MAPT: variants seen among roughly 807,000 people sequenced by gnomAD.
The protein encoded by MAPT is microtubule associated protein tau, also known as microtubule-associated protein tau.
A neutral mutation model predicts 67.9 loss-of-function variants in MAPT; 34 were observed. The ratio of observed to expected loss-of-function variants is 0.50; its 90% CI spans 0.38 to 0.67. MAPT has a LOEUF of 0.67. Ranked by LOEUF, MAPT falls within the 30% of genes least tolerant of loss-of-function variation. MAPT has a pLI of 0.00. For missense variants in MAPT, 881 were observed against 1,115.2 expected (o/e 0.79, Z 2.99); for synonymous variants, 456 against 464.5 (o/e 0.98, Z 0.23).
Position 45,974,469 on chromosome 17 carries a change from C to T in MAPT, c.220+2524C>T, listed in dbSNP as rs773359800. 3 of 1,602,130 alleles carry T rather than the reference C, an allele frequency of 1.9e-6. No homozygotes were observed. The highest frequency in any genetic ancestry group is 2.2e-5 in the East Asian group (1 of 44,484). On this transcript the variant is annotated intron_variant, in intron 3 of 12. Transcript: ENST00000262410. ...CACACGGAGATCCCAGAAGGAACCA[C>T]AGGTGAGGGTAAGCCCCAGAGACCC... is the stretch of plus-strand genomic sequence containing the variant.
intron 1 of MAPT, among the ~76,000 whole-genome samples, chr17:45,954,718 C>T (rs546775708): frequency 1.3e-5 from 2 of 152,248 alleles, no homozygotes; most frequent in South Asian, 2.1e-4. Context: ...TGGTGGCTCA[C>T]GCCTGTAATC....
chr17:45,989,364 G>A (rs1231834000), intron 6 of MAPT, among the ~76,000 whole-genome samples: 1 of 152,050 alleles, frequency 6.6e-6, no homozygotes, highest in Non-Finnish European at 1.5e-5. Flanking sequence ...TAAAAGCTTT[G>A]TCAGGGCCAG....
In MAPT at chr17:45,904,337, T is replaced by A. The variant is rs55743051; in HGVS notation, c.-18+9651T>A. On this transcript the variant is annotated intron_variant, in intron 1 of 12. Transcript: ENST00000262410. ...AACATATATAATATATATTATATATTATATATATATTATATATATTATATA... is the reference window on the plus strand; with the variant it reads ...AACATATATAATATATATTATATATAATATATATATTATATATATTATATA... 6.2e-5 allele frequency among the ~76,000 whole-genome samples: 5 copies of A among 80,806 alleles called. 1 individual carries two copies. Among genetic ancestry groups the A allele is most frequent in the African/African-American group, 1.5e-4 (3 of 19,712 alleles). 53.0% of individuals were successfully genotyped at this position (80,806 alleles called of 152,430 possible). A position where few individuals can be genotyped will look rare whatever the true frequency, so the allele number is the denominator to read the frequency against.
In MAPT at chr17:45,896,745, A is replaced by G. The variant is rs1242123795; in HGVS notation, c.-18+2059A>G. On this transcript the variant is annotated intron_variant, in intron 1 of 12. Transcript: ENST00000262410. The surrounding 1 kb of genome is among the most constrained non-coding windows in gnomAD (Gnocchi z 5.6). ...GTATTTTTATTAATATTATGTCCGT[A>G]CTGATTAATATTATTTATCTTAAAT... The G allele has an allele frequency of 6.6e-6, 1 of 152,186 alleles. No individual in the cohort carries two copies. The highest frequency in any genetic ancestry group is 1.5e-5 in the Non-Finnish European group (1 of 68,052). 9.4% of individuals were successfully genotyped at this position (152,186 alleles called of 1,614,324 possible).
At chr17:46,013,361 T>C (rs2075952559) in intron 10 of MAPT, among the ~76,000 whole-genome samples, 1 of 152,218 alleles carries the variant, frequency 6.6e-6, no homozygotes, top group African/African-American at 2.4e-5. Context: ...TCTGCCACTG[T>C]GGAGTCCCTA....
intron 1 of MAPT, among the ~76,000 whole-genome samples, chr17:45,960,192 A>G (rs1019518248): frequency 6.6e-6 from 1 of 152,274 alleles, no homozygotes; most frequent in South Asian, 2.1e-4. Flanking sequence ...GCCACAAAGT[A>G]TCTGCCTTTT....
chr17:45,958,711 A>C, intron 1 of MAPT, among the ~76,000 whole-genome samples: 1 of 148,036 alleles, frequency 6.8e-6, no homozygotes, highest in Non-Finnish European at 1.5e-5. Context: ...ACAGAGTGAG[A>C]CCCTGACTTA....
intron 4 of MAPT, chr17:45,979,645 A>G (rs2072746402): frequency 6.6e-6 from 1 of 152,246 alleles, no homozygotes; most frequent in Non-Finnish European, 1.5e-5. Context: ...ACCTCAGTCA[A>G]TGTGTGAAAT....
chr17:46,023,196 CTA>C (rs1327343844), intron 12 of MAPT, among the ~76,000 whole-genome samples: 1 of 152,186 alleles, frequency 6.6e-6, no homozygotes, highest in Non-Finnish European at 1.5e-5. Context: ...GCCTTTTGAC[CTA>C]AGAGCTTCAC....
rs16940802 is a variant in MAPT, at chr17:46,026,338, G to C, written c.*2167G>C. ...TGAAGCACAGGATTAGGACTGAAGCGATGATGTCCCCTTCCCTACTTCCCC... is the reference window on the plus strand; with the variant it reads ...TGAAGCACAGGATTAGGACTGAAGCCATGATGTCCCCTTCCCTACTTCCCC... On this transcript the variant is annotated 3_prime_UTR_variant, in exon 13 of 13. Coordinates refer to ENST00000262410, the MANE Select transcript of MAPT (RefSeq NM_001377265.1). 1 of 152,640 alleles carries C rather than the reference G, an allele frequency of 6.6e-6. No individual in the cohort carries two copies. The highest frequency in any genetic ancestry group is 2.4e-5 in the African/African-American group (1 of 41,444). The allele number at this position is 152,640 out of a possible 1,614,324, so 9.5% of individuals were successfully genotyped here. A position where few individuals can be genotyped will look rare whatever the true frequency, so the allele number is the denominator to read the frequency against.
chr17:45,933,245 C>CTTTTTT lies in MAPT; in HGVS notation c.-17-29067_-17-29062dup, dbSNP rs61564191. ...TACTGTTTTTGAACTCTCTCTCTCC[C>CTTTTTT]TTTTTTTTTTTTTTGAGACAGAGTC... On this transcript the variant is annotated intron_variant, in intron 1 of 12. Transcript: ENST00000262410. Among the ~76,000 whole-genome samples, 88 of 139,208 alleles carry CTTTTTT rather than the reference C, an allele frequency of 6.3e-4. 2 individuals carry two copies. The highest frequency in any genetic ancestry group is 1.1e-3 in the Non-Finnish European group (72 of 64,860). 91.3% of individuals were successfully genotyped at this position (139,208 alleles called of 152,430 possible). A position where few individuals can be genotyped will look rare whatever the true frequency, so the allele number is the denominator to read the frequency against.
chr17:45,942,889 G>A (rs562550006), intron 1 of MAPT, among the ~76,000 whole-genome samples: 32 of 152,306 alleles, frequency 2.1e-4, no homozygotes, highest in African/African-American at 7.5e-4. Context: ...CCCCAAAGTC[G>A]CACAGCTCCT....
chr17:45,940,956 A>G (rs1046058368), intron 1 of MAPT, among the ~76,000 whole-genome samples: 2 of 152,028 alleles, frequency 1.3e-5, no homozygotes, highest in African/African-American at 2.4e-5. Context: ...TTTAACACAA[A>G]CTCTCCCCAG....
intron 1 of MAPT, among the ~76,000 whole-genome samples, chr17:45,951,998 T>C (rs2069133489): frequency 6.6e-6 from 1 of 152,156 alleles, no homozygotes; most frequent in African/African-American, 2.4e-5. Context: ...TTGGTGTGTT[T>C]ATTTTCCTGT....
At chr17:46,019,584 G>C (rs1329404319) in intron 12 of MAPT, among the ~76,000 whole-genome samples, 5 of 151,872 alleles carry the variant, frequency 3.3e-5, no homozygotes, top group Non-Finnish European at 7.4e-5. Context: ...GCCCAGGCTG[G>C]TCTTGAACTC....
At chr17:45,925,321 T>A (rs2066176294) in intron 1 of MAPT, among the ~76,000 whole-genome samples, 1 of 152,230 alleles carries the variant, frequency 6.6e-6, no homozygotes, top group South Asian at 2.1e-4. Flanking sequence ...AGGACCACAC[T>A]CTTCTTTCTC....
At chr17:45,942,386 G>A (rs778578184) in intron 1 of MAPT, among the ~76,000 whole-genome samples, 6 of 152,320 alleles carry the variant, frequency 3.9e-5, no homozygotes, top group Middle Eastern at 3.4e-3. Context: ...AGGGTGTCAC[G>A]GGACCAGGGG....
At chr17:45,903,169 C>A (rs564361210) in intron 1 of MAPT, among the ~76,000 whole-genome samples, 1 of 152,288 alleles carries the variant, frequency 6.6e-6, no homozygotes, top group East Asian at 1.9e-4. Context: ...AGGACAAATT[C>A]ATGGAACCGT....
chr17:45,968,371 A>G (rs991956920), intron 2 of MAPT, among the ~76,000 whole-genome samples: 10 of 152,054 alleles, frequency 6.6e-5, no homozygotes, highest in African/African-American at 2.4e-4. Flanking sequence ...CTATCCAATG[A>G]CTTCCCTTAG....
Sources: allele counts gnomAD v4.1 joint callset (sites outside exome capture counted in the v4.1 genomes callset), GRCh38; gene constraint gnomAD v4.1.1; non-coding constraint Gnocchi (gnomAD v3.1); transcripts MANE v1.5; gene names NCBI Gene and HGNC (gene_info 2026-07-23, HGNC 2026-07-21).